DNAAF6: variants seen among roughly 807,000 people sequenced by gnomAD.
The protein encoded by DNAAF6 is PIH1 domain containing 3.
A neutral mutation model predicts 13.7 loss-of-function variants in DNAAF6; 3 were observed. The observed-to-expected ratio is 0.22, with a 90% CI of 0.10 to 0.56. The LOEUF is 0.56. DNAAF6 is among the 20% of genes least tolerant of loss of function. DNAAF6 has a pLI of 0.92. For missense variants in DNAAF6, 130 were observed against 151.0 expected (o/e 0.86, Z 0.73); for synonymous variants, 54 against 49.2 (o/e 1.10, Z -0.41).
chrX:107,232,943 T>A (rs1001979719), intron 5 of DNAAF6, among the ~76,000 whole-genome samples: 1 of 110,721 alleles, frequency 9.0e-6, no homozygotes, highest in Non-Finnish European at 1.9e-5. Flanking sequence ...GGTTTCGCCA[T>A]GTTGCCCAGG....
At chrX:107,232,657 G>A (rs1602688284) in intron 5 of DNAAF6, among the ~76,000 whole-genome samples, 1 of 111,915 alleles carries the variant, frequency 8.9e-6, no homozygotes, top group South Asian at 3.8e-4. Flanking sequence ...GGTCACGAAA[G>A]CCTTCACTAA....
intron 2 of DNAAF6, 60 bp downstream of exon 2, chrX:107,213,088 T>G (rs979625472): frequency 5.2e-5 from 56 of 1,073,031 alleles, no homozygotes; most frequent in Non-Finnish European, 6.7e-5. Context: ...GAACTGTATT[T>G]GAATAACCTG....
chrX:107,231,546 A>AT (rs1403346126), intron 5 of DNAAF6, among the ~76,000 whole-genome samples: 4 of 111,371 alleles, frequency 3.6e-5, no homozygotes, highest in Non-Finnish European at 7.5e-5. Context: ...AGATCATATG[A>AT]TTTTTTTAGT....
chrX:107,236,887 A>G (rs991696824), intron 5 of DNAAF6, among the ~76,000 whole-genome samples: 4 of 112,000 alleles, frequency 3.6e-5, no homozygotes, highest in Non-Finnish European at 7.5e-5. Flanking sequence ...GTATTAGAGT[A>G]AAAATGGGTG....
chrX:107,229,933 C>T (rs765259032), intron 5 of DNAAF6, among the ~76,000 whole-genome samples: 7 of 110,377 alleles, frequency 6.3e-5, no homozygotes, highest in East Asian at 2.9e-4. Flanking sequence ...GTGATCCGCC[C>T]GCCTCGGCCT....
intron 5 of DNAAF6, among the ~76,000 whole-genome samples, chrX:107,232,511 T>C (rs1164256456): frequency 1.8e-5 from 2 of 112,155 alleles, no homozygotes; most frequent in East Asian, 5.6e-4. Flanking sequence ...AGAGCTTACC[T>C]TATTGTGGAA....
chrX:107,229,135 T>C (rs1380533149), intron 5 of DNAAF6, among the ~76,000 whole-genome samples: 1 of 72,552 alleles, frequency 1.4e-5, no homozygotes, highest in Non-Finnish European at 2.5e-5. Context: ...CTCTTTTTTT[T>C]TTTTTTTTTT....
At chrX:107,242,444 C>T (rs912897301) in intron 6 of DNAAF6, among the ~76,000 whole-genome samples, 4 of 112,255 alleles carry the variant, frequency 3.6e-5, no homozygotes, top group African/African-American at 1.3e-4. Flanking sequence ...ACTGAAAATG[C>T]GAGGTAACAA....
intron 1 of DNAAF6, among the ~76,000 whole-genome samples, chrX:107,209,016 T>TA (rs1269100175): frequency 8.9e-6 from 1 of 111,926 alleles, no homozygotes; most frequent in Non-Finnish European, 1.9e-5. Context: ...TAGCGAAAGT[T>TA]AGAGACCTGA....
intron 5 of DNAAF6, among the ~76,000 whole-genome samples, chrX:107,228,137 C>T (rs1928296540): frequency 9.0e-6 from 1 of 111,530 alleles, no homozygotes; most frequent in African/African-American, 3.3e-5. Flanking sequence ...GGTAGAGGAA[C>T]TGAGAAGGAT....
At chrX:107,206,988 G>A (rs1236881198) in intron 1 of DNAAF6, among the ~76,000 whole-genome samples, 2 of 111,761 alleles carry the variant, frequency 1.8e-5, no homozygotes, top group Non-Finnish European at 3.8e-5. Flanking sequence ...ACATCTGAAA[G>A]TTTCCCAACT....
chrX:107,228,306 G>A (rs907751142), intron 5 of DNAAF6, among the ~76,000 whole-genome samples: 4 of 111,974 alleles, frequency 3.6e-5, no homozygotes, highest in Non-Finnish European at 5.6e-5. Flanking sequence ...AGAAAGCTGA[G>A]AAGTGAAGAG....
At chrX:107,240,955 A>T in intron 6 of DNAAF6, among the ~76,000 whole-genome samples, 1 of 111,796 alleles carries the variant, frequency 8.9e-6, no homozygotes, top group Non-Finnish European at 1.9e-5. Context: ...TTGGATTGGG[A>T]ATTGACTGAT....
rs35475398 is a variant in DNAAF6, at chrX:107,221,910, CATAATAATA to C, written c.333-808_333-800del. ...ATTTCTTCATTAAGGTAGCATTAAG[CATAATAATA>C]ATAATAATAATAATAATAATAATAA... On this transcript the variant is annotated intron_variant, in intron 4 of 6. Coordinates refer to ENST00000372453, the MANE Select transcript of DNAAF6 (RefSeq NM_173494.2). Among the ~76,000 whole-genome samples the C allele has an allele frequency of 5.1e-3, 501 of 98,382 alleles. 4 individuals are homozygous for C. The highest frequency in any genetic ancestry group is 0.016 in the African/African-American group (429 of 26,731). The allele number at this position is 98,382 out of a possible 115,157, so 85.4% of individuals were successfully genotyped here. A position where few individuals can be genotyped will look rare whatever the true frequency, so the allele number is the denominator to read the frequency against.
intron 3 of DNAAF6, 53 bp downstream of exon 3, chrX:107,216,796 G>C: frequency 1.1e-6 from 1 of 885,153 alleles, no homozygotes; most frequent in Non-Finnish European, 1.6e-6. Context: ...CCTTGGTAGA[G>C]AAATTATAGG....
intron 3 of DNAAF6, 85 bp from the exon 4 acceptor site, chrX:107,218,779 C>T: frequency 3.2e-6 from 3 of 938,445 alleles, no homozygotes; most frequent in Non-Finnish European, 4.4e-6. Context: ...TTTCAATGAA[C>T]CCAAACTGAG....
chrX:107,225,839 T>G (rs1190147223), intron 5 of DNAAF6, among the ~76,000 whole-genome samples: 1 of 111,919 alleles, frequency 8.9e-6, no homozygotes, highest in Non-Finnish European at 1.9e-5. Flanking sequence ...TGCCCTATTG[T>G]TATCCTCTGC....
rs1928676506 is a variant in DNAAF6 at position 107,243,928 on chromosome X, G to C, written c.*630G>C. On this transcript the variant is annotated 3_prime_UTR_variant, in exon 7 of 7. Coordinates refer to ENST00000372453, the MANE Select transcript of DNAAF6 (RefSeq NM_173494.2). Reference sequence around the variant, plus strand: ...TTATTATTACCAGAGAATTTTATTTGGTTGCTTTTTCATTGATTTGAGCAA... The same window carrying C: ...TTATTATTACCAGAGAATTTTATTTCGTTGCTTTTTCATTGATTTGAGCAA... The C allele has an allele frequency of 8.9e-6, 1 of 111,955 alleles. No individual in the cohort carries two copies. Among genetic ancestry groups the C allele is most frequent in the Non-Finnish European group, 1.9e-5 (1 of 53,087 alleles). The allele number at this position is 111,955 out of a possible 1,213,427, so 9.2% of individuals were successfully genotyped here. A position where few individuals can be genotyped will look rare whatever the true frequency, so the allele number is the denominator to read the frequency against.
chrX:107,237,684 T>G (rs1028983072), intron 5 of DNAAF6, among the ~76,000 whole-genome samples: 6 of 112,306 alleles, frequency 5.3e-5, no homozygotes, highest in Non-Finnish European at 1.1e-4. Flanking sequence ...TTTCTGTCTG[T>G]ATAGATTTGC....
Sources: gnomAD v4.1 joint callset for allele counts (sites outside exome capture counted in the v4.1 genomes callset) on GRCh38, gnomAD v4.1.1 for gene constraint, MANE v1.5 for transcripts, NCBI Gene and HGNC (gene_info 2026-07-23, HGNC 2026-07-21) for gene names.